The following PCMTD1 variants were observed in gnomAD, a reference collection of about 807,000 sequenced individuals.
PCMTD1 encodes protein-L-isoaspartate O-methyltransferase domain-containing protein 1.
A neutral mutation model predicts 37.6 loss-of-function variants in PCMTD1; 12 were observed. The ratio of observed to expected loss-of-function variants is 0.32; its 90% CI spans 0.20 to 0.52. PCMTD1 has a LOEUF of 0.52. PCMTD1 is among the 20% of genes least tolerant of loss of function. The pLI is 0.97. For missense variants in PCMTD1, 235 were observed against 421.3 expected (o/e 0.56, Z 3.87); for synonymous variants, 117 against 135.8 (o/e 0.86, Z 0.96).
intron 1 of PCMTD1, among the ~76,000 whole-genome samples, chr8:51,870,891 G>A (rs951058640): frequency 1.3e-5 from 2 of 152,152 alleles, no homozygotes; most frequent in Non-Finnish European, 2.9e-5. Context: ...GGGCCGGGGT[G>A]AGCATCTGAT....
At chr8:51,845,834 G>C in intron 2 of PCMTD1, 71 bp from the exon 3 acceptor site, 1 of 1,020,878 alleles carries the variant, frequency 9.8e-7, no homozygotes, top group Non-Finnish European at 1.5e-6. Context: ...TTTAAGTTCT[G>C]CTCATTTATA....
At chr8:51,848,430 T>C (rs10096943) in intron 2 of PCMTD1, among the ~76,000 whole-genome samples, 104,439 of 152,062 alleles carry the variant, frequency 0.69, 42,347 homozygotes, top group Non-Finnish European at 0.9. Context: ...TAAGACAGAA[T>C]ATATAAATAT....
intron 5 of PCMTD1, among the ~76,000 whole-genome samples, chr8:51,829,183 T>C (rs796492409): frequency 8.5e-5 from 13 of 152,274 alleles, no homozygotes; most frequent in African/African-American, 3.1e-4. Flanking sequence ...CTCACCAATC[T>C]GTAAAAAGTG....
chr8:51,899,074 G>T, upstream of PCMTD1: 1 of 1,498,910 alleles, frequency 6.7e-7, no homozygotes, highest in Non-Finnish European at 8.8e-7. Flanking sequence ...GGAGCAGCCA[G>T]AGCCTCCCGG....
intron 1 of PCMTD1, among the ~76,000 whole-genome samples, chr8:51,887,184 C>A (rs1170191323): frequency 1.3e-5 from 2 of 152,120 alleles, no homozygotes; most frequent in Non-Finnish European, 2.9e-5. Context: ...AACCTTAATT[C>A]CCCTTTGCCA....
At chr8:51,878,902 AC>A (rs1203541921) in intron 1 of PCMTD1, among the ~76,000 whole-genome samples, 2 of 152,210 alleles carry the variant, frequency 1.3e-5, no homozygotes, top group Non-Finnish European at 2.9e-5. Context: ...AGGTGTGAGG[AC>A]TGCTTGAGCC....
chr8:51,898,406 CCT>C (rs1183988522), intron 1 of PCMTD1, among the ~76,000 whole-genome samples: 1 of 152,138 alleles, frequency 6.6e-6, no homozygotes, highest in Non-Finnish European at 1.5e-5. Context: ...CCTGCTATAA[CCT>C]CTCAGTCCCC....
At chr8:51,826,371 T>C (rs910167407) in intron 5 of PCMTD1, among the ~76,000 whole-genome samples, 1 of 151,950 alleles carries the variant, frequency 6.6e-6, no homozygotes, top group Non-Finnish European at 1.5e-5. Context: ...TGTCAAGGGA[T>C]GGGGGGCTAG....
At chr8:51,842,609 C>T (rs2038163728) in intron 3 of PCMTD1, among the ~76,000 whole-genome samples, 2 of 151,864 alleles carry the variant, frequency 1.3e-5, no homozygotes, top group Non-Finnish European at 2.9e-5. Flanking sequence ...ATAGTGTCAG[C>T]CACCACACCC....
intron 1 of PCMTD1, among the ~76,000 whole-genome samples, chr8:51,877,545 G>A (rs373673275): frequency 6.6e-5 from 10 of 152,216 alleles, no homozygotes; most frequent in African/African-American, 2.4e-4. Flanking sequence ...AGATATTTCA[G>A]AATGTTAGTA....
At chr8:51,874,016 A>C (rs1265680856) in intron 1 of PCMTD1, among the ~76,000 whole-genome samples, 1 of 151,008 alleles carries the variant, frequency 6.6e-6, no homozygotes, top group Non-Finnish European at 1.5e-5. Context: ...GGGTTCAAGC[A>C]ATTCACCTGC....
rs1178241651 is a variant in PCMTD1 at position 51,819,504 on chromosome 8, A to G, written c.*847T>C. 2.0e-5 allele frequency: 3 copies of G among 152,472 alleles called. No homozygotes were observed. The highest frequency in any genetic ancestry group is 1.5e-5 in the Non-Finnish European group (1 of 68,040). The allele number at this position is 152,472 out of a possible 1,614,324, so 9.4% of individuals were successfully genotyped here. On this transcript the variant is annotated 3_prime_UTR_variant, in exon 6 of 6. Transcript: ENST00000522514. ...GTCCTATCAAGAGTCACACATAACA[A>G]TGGTTTTGCTTTTTTTAAAAAACCA...
chr8:51,855,367 C>T (rs1185191791), intron 2 of PCMTD1, among the ~76,000 whole-genome samples: 1 of 148,136 alleles, frequency 6.8e-6, no homozygotes, highest in African/African-American at 2.5e-5. Flanking sequence ...GTCTTTAATA[C>T]CAAAAAAAAA....
intron 1 of PCMTD1, among the ~76,000 whole-genome samples, chr8:51,868,263 CTGAG>C (rs1201645552): frequency 6.6e-6 from 1 of 152,016 alleles, no homozygotes; most frequent in Non-Finnish European, 1.5e-5. Flanking sequence ...TTTAACCACA[CTGAG>C]TGAGAGAGAA....
chr8:51,896,507 C>T (rs984196993), intron 1 of PCMTD1: 3 of 152,044 alleles, frequency 2.0e-5, no homozygotes, highest in East Asian at 1.9e-4. Context: ...ACTATCCTTC[C>T]GAGTTTGTAA....
At chr8:51,863,466 T>G (rs1468607338) in intron 1 of PCMTD1, among the ~76,000 whole-genome samples, 4 of 152,126 alleles carry the variant, frequency 2.6e-5, no homozygotes, top group Non-Finnish European at 5.9e-5. Context: ...CTGTACTGAG[T>G]GTATTTGTAG....
At chr8:51,863,211 T>C (rs2038500337) in intron 1 of PCMTD1, among the ~76,000 whole-genome samples, 1 of 152,160 alleles carries the variant, frequency 6.6e-6, no homozygotes, top group South Asian at 2.1e-4. Context: ...ACAAAGATAT[T>C]TGGCAAATTG....
chr8:51,898,792 AGTCCCCCTGCCCCCGACTCTTCGGCTGCC>A, intron 1 of PCMTD1, 109 bp downstream of exon 1: 1 of 865,926 alleles, frequency 1.2e-6, no homozygotes, highest in Non-Finnish European at 1.5e-6. Flanking sequence ...CCCGCCCTTA[AGTCCCCCTGCCCCCGACTCTTCGGCTGCC>A]GTCCCCCTGG....
At chr8:51,869,893 A>T (rs1203385772) in intron 1 of PCMTD1, among the ~76,000 whole-genome samples, 1 of 152,128 alleles carries the variant, frequency 6.6e-6, no homozygotes, top group Non-Finnish European at 1.5e-5. Context: ...TCACATATAC[A>T]CACCTGAAAC....
Sources: gnomAD v4.1 joint callset for allele counts (sites outside exome capture counted in the v4.1 genomes callset) on GRCh38, gnomAD v4.1.1 for gene constraint, MANE v1.5 for transcripts, NCBI Gene and HGNC (gene_info 2026-07-23, HGNC 2026-07-21) for gene names.